KLHL5: variants seen among roughly 807,000 people sequenced by gnomAD.
The protein encoded by KLHL5 is kelch like family member 5, also known as kelch-like protein 5.
Under a neutral mutation model 77.7 loss-of-function variants are expected in KLHL5, and 48 were observed. The observed-to-expected ratio is 0.62, with a 90% CI of 0.49 to 0.79. The LOEUF (loss-of-function observed/expected upper bound fraction) is 0.79, where lower values mean the gene tolerates loss of function less well. Ranked by LOEUF, KLHL5 falls within the 30% of genes least tolerant of loss-of-function variation. KLHL5 has a pLI of 0.00. For synonymous variants in KLHL5, 260 were observed against 297.0 expected (o/e 0.88, Z 1.28); for missense variants, 723 against 859.7 (o/e 0.84, Z 1.99).
downstream of KLHL5, among the ~76,000 whole-genome samples, chr4:39,128,701 A>T (rs1723664828): frequency 6.6e-6 from 1 of 152,140 alleles, no homozygotes; most frequent in Non-Finnish European, 1.5e-5. Flanking sequence ...AGTGGCTCAC[A>T]CCTGTAATCC....
chr4:39,113,155 T>G lies in KLHL5; in HGVS notation c.1824T>G (p.Asn608Lys). 1 of 1,614,170 alleles carries G rather than the reference T, an allele frequency of 6.2e-7. No individual in the cohort carries two copies. Among genetic ancestry groups the G allele is most frequent in the Non-Finnish European group, 8.5e-7 (1 of 1,180,016 alleles). ...GTGGCGTAGGAGTGACGACCTGGAA[T>G]GGACTGCTGTATGCTATAGGGGGGC... ...RRGGVGVTTW[N>K]GLLYAIGGHD... Residue 608 changes from asparagine to lysine, a missense_variant, in exon 9 of 11, where the codon AAT becomes AAG. By Grantham distance (94) the Asn-to-Lys change is moderately conservative (BLOSUM62 0). Transcript: ENST00000504108.
intron 1 of KLHL5, among the ~76,000 whole-genome samples, chr4:39,075,475 T>C (rs1718929592): frequency 2.0e-5 from 3 of 152,360 alleles, no homozygotes; most frequent in Admixed American, 1.3e-4. Context: ...CCTGGGCTTT[T>C]GAGGACTGGA....
chr4:39,123,533 A>G lies in KLHL5; in HGVS notation c.*2467A>G, dbSNP rs1723345356. On this transcript the variant is annotated 3_prime_UTR_variant, in exon 11 of 11. Transcript: ENST00000504108. Reference sequence around the variant, plus strand: ...CATGACCAAGTGAGATTTATCAAAGAAATGCAGGGATGGTTCTACATACAA... The same window carrying G: ...CATGACCAAGTGAGATTTATCAAAGGAATGCAGGGATGGTTCTACATACAA... Among the ~76,000 whole-genome samples the G allele has an allele frequency of 6.6e-6, 1 of 152,242 alleles. No individual in the cohort carries two copies. Among genetic ancestry groups the G allele is most frequent in the South Asian group, 2.1e-4 (1 of 4,832 alleles).
At chr4:39,105,150 A>ATT (rs5857651) in intron 7 of KLHL5, among the ~76,000 whole-genome samples, 70,312 of 147,028 alleles carry the variant, frequency 0.48, 17,114 homozygotes, top group Admixed American at 0.56. Flanking sequence ...GTTCTGCTAA[A>ATT]TTTTTTTTTT....
intron 1 of KLHL5, among the ~76,000 whole-genome samples, chr4:39,055,556 A>G (rs1265961389): frequency 6.6e-6 from 1 of 152,216 alleles, no homozygotes; most frequent in Admixed American, 6.5e-5. Context: ...TTACAAATGA[A>G]TGTGCATGTA....
intron 1 of KLHL5, 109 bp downstream of exon 1, chr4:39,063,144 C>T: frequency 1.4e-6 from 1 of 704,810 alleles, no homozygotes; most frequent in Admixed American, 3.5e-5. Flanking sequence ...TGTACATCTG[C>T]ATACATATAT....
In KLHL5 at chr4:39,103,525, T is replaced by C. The variant is rs778968728; in HGVS notation, c.1525+14T>C. 4 of 1,595,274 alleles carry C rather than the reference T, an allele frequency of 2.5e-6. No individual in the cohort carries two copies. Among genetic ancestry groups the C allele is most frequent in the Admixed American group, 1.7e-5 (1 of 59,992 alleles). On this transcript the variant is annotated intron_variant, in intron 7 of 10. Coordinates refer to ENST00000504108, the MANE Select transcript of KLHL5 (RefSeq NM_015990.5). ...GACATGGCCTTGGTAAGTACAACTATGCAGATTCACTCAAAATATCACATA... is the reference window on the plus strand; with the variant it reads ...GACATGGCCTTGGTAAGTACAACTACGCAGATTCACTCAAAATATCACATA...
intron 8 of KLHL5, among the ~76,000 whole-genome samples, chr4:39,110,130 A>G (rs139651714): frequency 1.2e-4 from 18 of 152,354 alleles, no homozygotes; most frequent in African/African-American, 4.3e-4. Context: ...GGCAAATGGA[A>G]GTTCAAGTTT....
downstream of KLHL5, among the ~76,000 whole-genome samples, chr4:39,127,218 G>C (rs566079911): frequency 1.1e-4 from 16 of 151,966 alleles, no homozygotes. Context: ...CCACTTGGGA[G>C]GCTGAAGTGG....
In KLHL5 at chr4:39,107,523, A is replaced by G. The variant is rs1029800342; in HGVS notation, c.1526-46A>G. The G allele has an allele frequency of 2.7e-6, 4 of 1,496,252 alleles. No individual in the cohort carries two copies. In the African/African-American group the frequency reaches 5.5e-5, roughly 21 times the overall value. The allele number at this position is 1,496,252 out of a possible 1,614,324, so 92.7% of individuals were successfully genotyped here. On this transcript the variant is annotated intron_variant, in intron 7 of 10. Transcript: ENST00000504108. ...CTTCAATTAAAATGTGATTTTTAAG[A>G]CAGCAGCCAATCTGAAGTCGTTAAT...
upstream of KLHL5, among the ~76,000 whole-genome samples, chr4:39,057,987 T>G (rs1048740402): frequency 6.6e-6 from 1 of 152,200 alleles, no homozygotes; most frequent in Non-Finnish European, 1.5e-5. Flanking sequence ...TAATACTGAA[T>G]AGTGTCATCT....
chr4:39,066,014 ATGTC>A (rs1717866684), intron 1 of KLHL5, among the ~76,000 whole-genome samples: 1 of 152,214 alleles, frequency 6.6e-6, no homozygotes, highest in Non-Finnish European at 1.5e-5. Context: ...ACAAGGAAAA[ATGTC>A]TGTCTGAGTC....
intron 4 of KLHL5, among the ~76,000 whole-genome samples, chr4:39,083,692 T>A (rs1272116496): frequency 6.6e-6 from 1 of 152,180 alleles, no homozygotes; most frequent in Non-Finnish European, 1.5e-5. Flanking sequence ...TAAAGTTGGA[T>A]TTTTTTCTTC....
chr4:39,070,240 C>T (rs28672369), intron 1 of KLHL5, among the ~76,000 whole-genome samples: 4,320 of 152,152 alleles, frequency 0.028, 176 homozygotes, highest in African/African-American at 0.098. Flanking sequence ...TAGACTAAGG[C>T]AGGGAATGTG....
At position 39,081,841 on chromosome 4, in the gene KLHL5, C is replaced by G. The variant is rs531035070; in HGVS notation, c.704-122C>G. ...CTTTTCTTTTTGGGATGTCTTAAAC[C>G]ATGTAGGTCTGTAATGCATGTAATG... On this transcript the variant is annotated intron_variant, in intron 3 of 10. Transcript: ENST00000504108. The surrounding 1 kb of genome is among the most constrained non-coding windows in gnomAD (Gnocchi z 4.3). 9.9e-6 allele frequency: 6 copies of G among 607,730 alleles called. No individual in the cohort carries two copies. The highest frequency in any genetic ancestry group is 6.2e-5 in the East Asian group (2 of 32,432). 37.6% of individuals were successfully genotyped at this position (607,730 alleles called of 1,614,324 possible). A position where few individuals can be genotyped will look rare whatever the true frequency, so the allele number is the denominator to read the frequency against.
chr4:39,077,522 C>T (rs1012663127), intron 2 of KLHL5, among the ~76,000 whole-genome samples: 1 of 151,788 alleles, frequency 6.6e-6, no homozygotes, highest in African/African-American at 2.4e-5. Flanking sequence ...GTCAGAACCA[C>T]AAGGCAATAC....
chr4:39,097,382 T>A (rs1721157309), intron 6 of KLHL5, among the ~76,000 whole-genome samples: 1 of 152,204 alleles, frequency 6.6e-6, no homozygotes, highest in Admixed American at 6.5e-5. Context: ...TCTAAAAGTG[T>A]CTCTCAGCCA....
intron 5 of KLHL5, among the ~76,000 whole-genome samples, chr4:39,094,684 A>G (rs1012882409): frequency 1.3e-5 from 2 of 152,006 alleles, no homozygotes; most frequent in African/African-American, 4.8e-5. Context: ...AGAATAAAAA[A>G]AAACAAATCT....
At position 39,081,571 on chromosome 4, in the gene KLHL5, A is replaced by G. The variant is rs1398988082; in HGVS notation, c.703+332A>G. ...TCCCAGCACTTCGGGAAGCCAAGGC[A>G]GGACGGATGATCGCTTGAGCCCAGG... is the stretch of plus-strand genomic sequence containing the variant. On this transcript the variant is annotated intron_variant, in intron 3 of 10. Transcript: ENST00000504108. This position sits in a 1 kb window ranked among gnomAD's most constrained non-coding sequence, Gnocchi z 4.3. 1.3e-5 allele frequency among the ~76,000 whole-genome samples: 2 copies of G among 152,104 alleles called. No homozygotes were observed. Among genetic ancestry groups the G allele is most frequent in the African/African-American group, 4.8e-5 (2 of 41,412 alleles).
Sources: gnomAD v4.1 joint callset for allele counts (sites outside exome capture counted in the v4.1 genomes callset) on GRCh38, gnomAD v4.1.1 for gene constraint, Gnocchi (gnomAD v3.1) non-coding constraint, MANE v1.5 for transcripts, NCBI Gene and HGNC (gene_info 2026-07-23, HGNC 2026-07-21) for gene names.